Variants in TMPRSS11D observed in about 807,000 individuals in gnomAD.
TMPRSS11D encodes the protein transmembrane protease serine 11D.
A neutral mutation model predicts 44.4 loss-of-function variants in TMPRSS11D; 32 were observed. The ratio of observed to expected loss-of-function variants is 0.72; its 90% CI spans 0.54 to 0.97. TMPRSS11D has a LOEUF of 0.97. Ranked by LOEUF, TMPRSS11D falls within the 50% of genes least tolerant of loss-of-function variation. The pLI, the probability that TMPRSS11D is intolerant of heterozygous loss-of-function variation, is 0.00. For missense variants in TMPRSS11D, 446 were observed against 502.6 expected (o/e 0.89, Z 1.08); for synonymous variants, 179 against 177.9 (o/e 1.01, Z -0.05).
chr4:67,871,422 G>T (rs888459387), intron 1 of TMPRSS11D, among the ~76,000 whole-genome samples: 1 of 152,156 alleles, frequency 6.6e-6, no homozygotes, highest in African/African-American at 2.4e-5. Flanking sequence ...TCCAGCAATG[G>T]TATAGCTAGG....
At chr4:67,862,706 A>G (rs1365975160) in intron 1 of TMPRSS11D, among the ~76,000 whole-genome samples, 2 of 152,104 alleles carry the variant, frequency 1.3e-5, no homozygotes, top group East Asian at 1.9e-4. Flanking sequence ...GCACATATAC[A>G]CCATGGAATA....
At chr4:67,849,668 C>T (rs995797342) in intron 3 of TMPRSS11D, among the ~76,000 whole-genome samples, 11 of 151,986 alleles carry the variant, frequency 7.2e-5, no homozygotes, top group East Asian at 3.8e-4. Context: ...TTATTTTACT[C>T]GTGAATAAAC....
intron 5 of TMPRSS11D, among the ~76,000 whole-genome samples, chr4:67,837,292 A>G (rs1718114997): frequency 6.6e-6 from 1 of 152,288 alleles, no homozygotes. Flanking sequence ...AAAAGATGCA[A>G]TCAGGCCATG....
rs558172242 is a variant in TMPRSS11D at position 67,837,718 on chromosome 4, GGAT to G, written c.475+451_475+453del. Among the ~76,000 whole-genome samples, 6 of 152,154 alleles carry G rather than the reference GGAT, an allele frequency of 3.9e-5. No individual in the cohort carries two copies. The East Asian group carries it at 1.2e-3, about 29-fold the overall frequency. ...GAAGGTTGACTGGTTCTTTCTTTTA[GGAT>G]GATTACAGTGTAGGATGAAGCCAAA... On this transcript the variant is annotated intron_variant, in intron 5 of 9. Coordinates refer to ENST00000283916, the MANE Select transcript of TMPRSS11D (RefSeq NM_004262.3).
chr4:67,830,590 A>G (rs191805860), intron 7 of TMPRSS11D, among the ~76,000 whole-genome samples: 29 of 152,204 alleles, frequency 1.9e-4, no homozygotes, highest in Admixed American at 3.3e-4. Context: ...TGAAGAAAAA[A>G]TATTAGAAAA....
At chr4:67,861,875 AG>A (rs1301429694) in intron 1 of TMPRSS11D, among the ~76,000 whole-genome samples, 1 of 152,144 alleles carries the variant, frequency 6.6e-6, no homozygotes, top group Non-Finnish European at 1.5e-5. Context: ...AACTTTCAAT[AG>A]CATGTTCAAC....
rs753497977 is a variant in TMPRSS11D at position 67,835,128 on chromosome 4, T to G, written c.476-7A>C. On this transcript the variant is annotated splice_region_variant and splice_polypyrimidine_tract_variant and intron_variant, in intron 5 of 9. Transcript: ENST00000283916. ...GCAGCCTGGTCAGTAAGTGCTAGTA[T>G]TAAAAAATGAGAATAAGATAAATAC... 1 of 1,609,842 alleles carries G rather than the reference T, an allele frequency of 6.2e-7. No individual in the cohort carries two copies. Among genetic ancestry groups the G allele is most frequent in the Admixed American group, 1.7e-5 (1 of 59,806 alleles).
intron 1 of TMPRSS11D, among the ~76,000 whole-genome samples, chr4:67,871,302 T>C (rs1719058485): frequency 6.6e-6 from 1 of 152,166 alleles, no homozygotes; most frequent in African/African-American, 2.4e-5. Context: ...ACTCATAATT[T>C]GCAAGGCAAG....
intron 3 of TMPRSS11D, among the ~76,000 whole-genome samples, chr4:67,843,869 G>A (rs1022502616): frequency 1.8e-4 from 28 of 152,348 alleles, no homozygotes; most frequent in African/African-American, 6.7e-4. Flanking sequence ...GTTGCAGTGA[G>A]CCGAGATCAT....
intron 6 of TMPRSS11D, 197 bp from the exon 7 acceptor site, chr4:67,833,578 G>A (rs1017581496): frequency 3.9e-5 from 17 of 435,244 alleles, no homozygotes; most frequent in Non-Finnish European, 4.9e-5. Context: ...ATAGCATTTT[G>A]GAGAACATTT....
chr4:67,874,251 A>T (rs1719129059), intron 1 of TMPRSS11D, among the ~76,000 whole-genome samples: 1 of 152,112 alleles, frequency 6.6e-6, no homozygotes, highest in Non-Finnish European at 1.5e-5. Context: ...TCGCCTAACG[A>T]TGCATTTCTC....
intron 1 of TMPRSS11D, among the ~76,000 whole-genome samples, chr4:67,866,556 T>C (rs1380424669): frequency 6.6e-6 from 1 of 151,890 alleles, no homozygotes; most frequent in Admixed American, 6.6e-5. Flanking sequence ...AAATTATCTC[T>C]ACTGACAATA....
intron 3 of TMPRSS11D, among the ~76,000 whole-genome samples, chr4:67,849,867 T>C (rs1718451054): frequency 6.6e-6 from 1 of 152,204 alleles, no homozygotes. Flanking sequence ...ATTATACCAC[T>C]TTCCAGCTCA....
In TMPRSS11D at chr4:67,827,517, G is replaced by A; in HGVS notation, c.696C>T (p.Asn232=). 6.3e-7 allele frequency: 1 copy of A among 1,592,670 alleles called. No individual in the cohort carries two copies. Among genetic ancestry groups the A allele is most frequent in the Middle Eastern group, 1.7e-4 (1 of 5,746 alleles). The change falls in exon 8 of 10, where the codon AAC becomes AAT. Residue 232 remains asparagine (N), a synonymous_variant. Transcript: ENST00000283916. ...TGGCAATCCAGTCACGAGGATTAGA[G>A]TTGCTAAAACATTATGAAAACATGC... ...ILTAAHCFRS[N]SNPRDWIATS...
At chr4:67,837,982 C>A in intron 5 of TMPRSS11D, 190 bp downstream of exon 5, 1 of 434,704 alleles carries the variant, frequency 2.3e-6, no homozygotes. Flanking sequence ...ATATAAATGC[C>A]AAATGATTCT....
chr4:67,864,846 C>T (rs1368647084), intron 1 of TMPRSS11D, among the ~76,000 whole-genome samples: 1 of 151,816 alleles, frequency 6.6e-6, no homozygotes. Context: ...GTATACATAT[C>T]CAACACTAGA....
intron 1 of TMPRSS11D, among the ~76,000 whole-genome samples, chr4:67,875,588 C>T (rs1247957956): frequency 1.3e-5 from 2 of 152,212 alleles, no homozygotes; most frequent in Non-Finnish European, 2.9e-5. Flanking sequence ...TAAACTGTTC[C>T]GTGAGAGAGA....
chr4:67,872,559 G>A (rs114997931), intron 1 of TMPRSS11D, among the ~76,000 whole-genome samples: 1 of 152,194 alleles, frequency 6.6e-6, no homozygotes, highest in African/African-American at 2.4e-5. Flanking sequence ...ATATACTAGC[G>A]ATCATTGAAT....
chr4:67,879,388 G>A (rs1384798197), intron 1 of TMPRSS11D, among the ~76,000 whole-genome samples: 1 of 150,906 alleles, frequency 6.6e-6, no homozygotes, highest in East Asian at 2.0e-4. Flanking sequence ...GGCTGAAGAA[G>A]GAGAATGGCA....
Sources: gnomAD v4.1 joint callset for allele counts (sites outside exome capture counted in the v4.1 genomes callset) on GRCh38, gnomAD v4.1.1 for gene constraint, MANE v1.5 for transcripts, NCBI Gene and HGNC (gene_info 2026-07-23, HGNC 2026-07-21) for gene names.